HEG1: variants seen among roughly 807,000 people sequenced by gnomAD.
HEG1 encodes protein HEG homolog 1.
A neutral mutation model predicts 125.6 loss-of-function variants in HEG1; 56 were observed. That is an observed-to-expected ratio of 0.45 (90% CI 0.36 to 0.56). HEG1 has a LOEUF of 0.56. Ranked by LOEUF, HEG1 falls within the 20% of genes least tolerant of loss-of-function variation. HEG1 has a pLI of 0.00. For synonymous variants in HEG1, 644 were observed against 668.5 expected (o/e 0.96, Z 0.57); for missense variants, 1,523 against 1,670.0 (o/e 0.91, Z 1.53).
intron 6 of HEG1, among the ~76,000 whole-genome samples, chr3:125,011,390 G>A (rs1937155825): frequency 1.3e-5 from 2 of 152,148 alleles, no homozygotes; most frequent in African/African-American, 4.8e-5. Context: ...ATGAACACTG[G>A]CACAAAAAAT....
intron 7 of HEG1, among the ~76,000 whole-genome samples, chr3:125,010,093 T>G (rs1937134911): frequency 6.6e-6 from 1 of 152,192 alleles, no homozygotes; most frequent in East Asian, 1.9e-4. Context: ...AAAGACTGTT[T>G]CACATAACAT....
At chr3:124,994,698 G>A (rs1466864234) in intron 12 of HEG1, among the ~76,000 whole-genome samples, 23 of 152,080 alleles carry the variant, frequency 1.5e-4, no homozygotes, top group Admixed American at 1.5e-3. Context: ...TACAGACAGG[G>A]TTTCACCATA....
chr3:125,047,577 C>CA, intron 1 of HEG1, among the ~76,000 whole-genome samples: 1 of 152,212 alleles, frequency 6.6e-6, no homozygotes, highest in Admixed American at 6.5e-5. Context: ...TACACCCTGG[C>CA]AAAAGATGAT....
At chr3:125,002,662 C>G (rs975862005) in intron 9 of HEG1, among the ~76,000 whole-genome samples, 3 of 152,182 alleles carry the variant, frequency 2.0e-5, no homozygotes, top group African/African-American at 7.2e-5. Flanking sequence ...TTGGACTCTG[C>G]ATAGTGAACG....
At chr3:125,031,705 C>A (rs1263419258) in intron 1 of HEG1, among the ~76,000 whole-genome samples, 3 of 42,526 alleles carry the variant, frequency 7.1e-5, no homozygotes, top group Admixed American at 2.4e-4. Flanking sequence ...CCACATATAC[C>A]CCCCACACAC....
intron 14 of HEG1, among the ~76,000 whole-genome samples, chr3:124,989,845 T>G (rs1437931757): frequency 6.6e-6 from 1 of 152,194 alleles, no homozygotes; most frequent in Non-Finnish European, 1.5e-5. Flanking sequence ...CTAAGACTTT[T>G]GCCAGCTGCC....
intron 1 of HEG1, among the ~76,000 whole-genome samples, chr3:125,032,537 C>CT (rs1422686086): frequency 6.6e-6 from 1 of 152,160 alleles, no homozygotes; most frequent in African/African-American, 2.4e-5. Context: ...GCCACAAGGC[C>CT]TGTAAGTTCA....
intron 2 of HEG1, among the ~76,000 whole-genome samples, chr3:125,027,902 A>G (rs1560030666): frequency 6.6e-6 from 1 of 152,352 alleles, no homozygotes; most frequent in East Asian, 1.9e-4. Context: ...TGTCATGTGC[A>G]GAGTTTCTAA....
chr3:125,013,370 T>C lies in HEG1; in HGVS notation c.2209A>G (p.Thr737Ala). The change falls in exon 6 of 17, where the codon ACC becomes GCC. Residue 737 changes from threonine (T) to alanine (A), a missense_variant. Transcript: ENST00000311127. ...TSAPLSVSQT[T>A]LPQSSSTPVL... ...GGGGTAGAAGATGACTGTGGCAAGGTTGTTTGTGAGACAGAAAGTGGGGCA... is the reference window on the plus strand; with the variant it reads ...GGGGTAGAAGATGACTGTGGCAAGGCTGTTTGTGAGACAGAAAGTGGGGCA... 1 of 1,613,878 alleles carries C rather than the reference T, an allele frequency of 6.2e-7. No homozygotes were observed. Among genetic ancestry groups the C allele is most frequent in the South Asian group, 1.1e-5 (1 of 91,072 alleles).
chr3:125,008,468 T>A (rs527385016), intron 8 of HEG1, among the ~76,000 whole-genome samples: 1 of 152,224 alleles, frequency 6.6e-6, no homozygotes, highest in Non-Finnish European at 1.5e-5. Context: ...GACTGAAAGA[T>A]GAGTTATTTT....
chr3:125,002,262 G>A lies in HEG1; in HGVS notation c.3351C>T (p.Ala1117=), dbSNP rs746162218. ...LPSYIRSTVH[A]SRESNAVVIS... ...AATATAATTCTGTTACTTACCTAGA[G>A]GCGTGAACTGTAGATCGGATGTAAC... The change falls in exon 10 of 17, where the codon GCC becomes GCT. Residue 1117 remains alanine, a synonymous_variant. Coordinates refer to ENST00000311127, the MANE Select transcript of HEG1 (RefSeq NM_020733.2). The A allele has an allele frequency of 6.2e-7, 1 of 1,612,276 alleles. No individual in the cohort carries two copies. Among genetic ancestry groups the A allele is most frequent in the Non-Finnish European group, 8.5e-7 (1 of 1,178,574 alleles).
intron 1 of HEG1, among the ~76,000 whole-genome samples, chr3:125,030,904 T>C (rs987892383): frequency 1.3e-5 from 2 of 152,072 alleles, no homozygotes; most frequent in African/African-American, 4.8e-5. Flanking sequence ...TGGTTTCCAG[T>C]TGGGAGTGCT....
chr3:124,985,306 C>T (rs969800096), intron 14 of HEG1, among the ~76,000 whole-genome samples: 7 of 152,102 alleles, frequency 4.6e-5, no homozygotes, highest in African/African-American at 1.7e-4. Flanking sequence ...TGTTTACTCT[C>T]CTCTTCCCTT....
rs116109615 is a variant in HEG1, at chr3:125,006,691, G to A, written c.3194-1323C>T. On this transcript the variant is annotated intron_variant, in intron 8 of 16. Transcript: ENST00000311127. ...TTCTTGGCCAAATGAAAGCATTTCA[G>A]CATGCTCTAATTTGCATGTTCCTCT... Among the ~76,000 whole-genome samples the A allele has an allele frequency of 3.0e-3, 463 of 152,350 alleles. 1 individual carries two copies. Among genetic ancestry groups the A allele is most frequent in the African/African-American group, 0.011 (443 of 41,574 alleles).
chr3:125,028,368 G>A (rs1053141326), intron 2 of HEG1, among the ~76,000 whole-genome samples: 13 of 152,140 alleles, frequency 8.5e-5, no homozygotes, highest in African/African-American at 3.1e-4. Context: ...TCACGCAATG[G>A]TCCTACCTGT....
intron 14 of HEG1, among the ~76,000 whole-genome samples, chr3:124,983,582 G>A (rs763128903): frequency 6.6e-5 from 10 of 150,676 alleles, no homozygotes; most frequent in Non-Finnish European, 1.3e-4. Context: ...CAATCCTCCC[G>A]CCTCGGCCTC....
intron 16 of HEG1, 176 bp from the exon 17 acceptor site, chr3:124,970,977 C>A: frequency 1.5e-6 from 1 of 650,206 alleles, no homozygotes; most frequent in Non-Finnish European, 2.7e-6. Context: ...TGGAGCACAA[C>A]CCACTTTAAT....
chr3:124,983,481 C>G (rs1191463545), intron 14 of HEG1, among the ~76,000 whole-genome samples: 1 of 150,274 alleles, frequency 6.7e-6, no homozygotes, highest in African/African-American at 2.5e-5. Flanking sequence ...ACACTAAGTG[C>G]ATGCCACCAT....
chr3:125,007,752 C>T (rs971854122), intron 8 of HEG1, among the ~76,000 whole-genome samples: 2 of 152,124 alleles, frequency 1.3e-5, no homozygotes, highest in Non-Finnish European at 2.9e-5. Flanking sequence ...GAGCTAGAAG[C>T]AAATCATTTG....
Sources: allele counts gnomAD v4.1 joint callset (sites outside exome capture counted in the v4.1 genomes callset), GRCh38; gene constraint gnomAD v4.1.1; transcripts MANE v1.5; gene names NCBI Gene and HGNC (gene_info 2026-07-23, HGNC 2026-07-21).